TGFB3: variants seen among roughly 807,000 people sequenced by gnomAD.
TGFB3 encodes the protein transforming growth factor beta 3.
TGFB3 carries 5 observed loss-of-function variants against 40.1 expected under a neutral mutation model. The ratio of observed to expected loss-of-function variants is 0.12; its 90% confidence interval spans 0.07 to 0.26. TGFB3 has a LOEUF of 0.26. Ranked by LOEUF, TGFB3 falls within the 10% of genes least tolerant of loss-of-function variation. The pLI is 1.00. For synonymous variants in TGFB3, 184 were observed against 205.6 expected, an observed-to-expected ratio of 0.89 and a Z score of 0.90; for missense variants, 373 against 530.1, an observed-to-expected ratio of 0.70 and a Z score of 2.91.
intron 6 of TGFB3, chr14:75,960,497 TAGCATTTCAA>T (rs1241519487): frequency 1.5e-5 from 3 of 201,520 alleles, no homozygotes; most frequent in Non-Finnish European, 3.1e-5. Flanking sequence ...TTTCTGTTCC[TAGCATTTCAA>T]ATTAGCTTCT....
Position 75,971,502 on chromosome 14 carries a change from C to T in TGFB3, c.516+53G>A. On this transcript the variant is annotated intron_variant, in intron 2 of 6. Coordinates refer to ENST00000238682, the MANE Select transcript of TGFB3 (RefSeq NM_003239.5). The surrounding 1 kb of genome is among the most constrained non-coding windows in gnomAD (Gnocchi z 4.5). ...TGCACCCAGTGGTGCCCTGATATGG[C>T]AAAGGAACCAGCTTTCCCGTCGGTG... 1.2e-6 allele frequency: 2 copies of T among 1,609,592 alleles called. No individual in the cohort carries two copies. The highest frequency in any genetic ancestry group is 1.7e-6 in the Non-Finnish European group (2 of 1,178,202).
At position 75,963,474 on chromosome 14, in the gene TGFB3, C is replaced by A; in HGVS notation, c.768G>T (p.Glu256Asp). 6.2e-7 allele frequency: 1 copy of A among 1,614,192 alleles called. No individual in the cohort carries two copies. The highest frequency in any genetic ancestry group is 8.5e-7 in the Non-Finnish European group (1 of 1,180,028). ...MEIKFKGVDN[E>D]DDHGRGDLGR... ...CCAGATCTCCACGGCCATGGTCATCCTCATTGTCCACGCCTGAAGAAGGGA... is the reference window on the plus strand; with the variant it reads ...CCAGATCTCCACGGCCATGGTCATCATCATTGTCCACGCCTGAAGAAGGGA... Residue 256 changes from glutamate (E) to aspartate (D), a missense_variant, in exon 5 of 7, where the codon GAG (glutamate) becomes GAT (aspartate). Physicochemically the swap from Glu to Asp is conservative, Grantham distance 45. Coordinates refer to ENST00000238682, the MANE Select transcript of TGFB3 (RefSeq NM_003239.5).
rs2035184142 is a variant in TGFB3 at position 75,963,474 on chromosome 14, C to T, written c.768G>A (p.Glu256=). 6.2e-7 allele frequency: 1 copy of T among 1,614,192 alleles called. No individual in the cohort carries two copies. The highest frequency in any genetic ancestry group is 8.5e-7 in the Non-Finnish European group (1 of 1,180,028). Residue 256 remains glutamate (E), a synonymous_variant, in exon 5 of 7, where the codon GAG becomes GAA. Coordinates refer to ENST00000238682, the MANE Select transcript of TGFB3 (RefSeq NM_003239.5). ...CCAGATCTCCACGGCCATGGTCATC[C>T]TCATTGTCCACGCCTGAAGAAGGGA... ...MEIKFKGVDN[E]DDHGRGDLGR...
At chr14:75,977,444 C>T (rs1488406904) in intron 1 of TGFB3, among the ~76,000 whole-genome samples, 4 of 152,134 alleles carry the variant, frequency 2.6e-5, no homozygotes, top group African/African-American at 9.7e-5. Flanking sequence ...AATAGAGGCT[C>T]TGCTGATTCA....
At position 75,959,006 on chromosome 14, in the gene TGFB3, T is replaced by TGG; in HGVS notation, c.*180_*181insCC. 1 of 744,322 alleles carries TGG rather than the reference T, an allele frequency of 1.3e-6. No individual in the cohort carries two copies. The highest frequency in any genetic ancestry group is 2.3e-6 in the Non-Finnish European group (1 of 434,150). 46.1% of individuals were successfully genotyped at this position (744,322 alleles called of 1,614,324 possible). On this transcript the variant is annotated 3_prime_UTR_variant, in exon 7 of 7. Transcript: ENST00000238682. ...ACCCACACTTTCTTTACCACCGTGA[T>TGG]TCTCAGAGCCAGCAAGAAAGAAATG...
chr14:75,958,911 AT>A lies in TGFB3; in HGVS notation c.*275del. On this transcript the variant is annotated 3_prime_UTR_variant, in exon 7 of 7. Transcript: ENST00000238682. ...TCTCAACTTACCATCCCTTTCCTCT[AT>A]CCCCATCCCCTCTGTCTGCGTCACA... The A allele has an allele frequency of 4.5e-6, 2 of 444,880 alleles. No individual in the cohort carries two copies. Among genetic ancestry groups the A allele is most frequent in the Admixed American group, 6.4e-5 (2 of 31,008 alleles). 27.6% of individuals were successfully genotyped at this position (444,880 alleles called of 1,614,324 possible).
chr14:75,971,287 G>A lies in TGFB3; in HGVS notation c.517-32C>T, dbSNP rs975623252. On this transcript the variant is annotated intron_variant, in intron 2 of 6. Transcript: ENST00000238682. The surrounding 1 kb of genome is among the most constrained non-coding windows in gnomAD (Gnocchi z 4.5). ...GGCAGAGAAAGGAGTGAGTACCCGA[G>A]ACCAGGACAGAGTGCCCCAGAAGAT... 25 of 1,613,634 alleles carry A rather than the reference G, an allele frequency of 1.5e-5. No homozygotes were observed. Among genetic ancestry groups the A allele is most frequent in the Non-Finnish European group, 1.7e-5 (20 of 1,179,932 alleles).
In TGFB3 at chr14:75,971,330, A is replaced by G. The variant is rs1262558500; in HGVS notation, c.517-75T>C. On this transcript the variant is annotated intron_variant, in intron 2 of 6. Coordinates refer to ENST00000238682, the MANE Select transcript of TGFB3 (RefSeq NM_003239.5). The surrounding 1 kb of genome is among the most constrained non-coding windows in gnomAD (Gnocchi z 4.5). Reference sequence around the variant, plus strand: ...CAGAAGATGTCACAATGCAGAGCACAGGTGAGGGAGCGATAGGAAACCAGT... The same window carrying G: ...CAGAAGATGTCACAATGCAGAGCACGGGTGAGGGAGCGATAGGAAACCAGT... 4 of 1,608,476 alleles carry G rather than the reference A, an allele frequency of 2.5e-6. No homozygotes were observed. The highest frequency in any genetic ancestry group is 2.2e-5 in the South Asian group (2 of 90,220).
rs986180095 is a variant in TGFB3, at chr14:75,980,569, C to T, written c.325G>A (p.Asp109Asn). ...TGCTCCGCCAGCCCCTGGATCATGT[C>T]GAATTTATGGATTTCTTTGGCATAG... Reference protein sequence around the residue: ...EYYAKEIHKFDMIQGLAEHNE... With the variant: ...EYYAKEIHKFNMIQGLAEHNE... Residue 109 changes from aspartate to asparagine, a missense_variant, in exon 1 of 7, where the codon GAC (aspartate) becomes AAC (asparagine). By Grantham distance (23) the Asp-to-Asn change is conservative. Transcript: ENST00000238682. This position sits in a 1 kb window ranked among gnomAD's most constrained non-coding sequence, Gnocchi z 4.3. 2 of 1,614,224 alleles carry T rather than the reference C, an allele frequency of 1.2e-6. No homozygotes were observed. The highest frequency in any genetic ancestry group is 1.7e-5 in the Admixed American group (1 of 60,032).
rs2035384154 is a variant in TGFB3, at chr14:75,978,699, C to T, written c.352+1843G>A. ...CAGCATCTATGGGGCCCTGCCCGGG[C>T]TTTTCCCAAGGACATCTGCTATTTG... is the stretch of plus-strand genomic sequence containing the variant. On this transcript the variant is annotated intron_variant, in intron 1 of 6. Coordinates refer to ENST00000238682, the MANE Select transcript of TGFB3 (RefSeq NM_003239.5). The surrounding 1 kb of genome is among the most constrained non-coding windows in gnomAD (Gnocchi z 5.0). 6.6e-6 allele frequency among the ~76,000 whole-genome samples: 1 copy of T among 152,242 alleles called. No homozygotes were observed. Among genetic ancestry groups the T allele is most frequent in the Non-Finnish European group, 1.5e-5 (1 of 68,038 alleles).
At position 75,981,142 on chromosome 14, in the gene TGFB3, A is replaced by C. The variant is rs1391529008; in HGVS notation, c.-249T>G. On this transcript the variant is annotated 5_prime_UTR_variant, in exon 1 of 7. Transcript: ENST00000238682. The surrounding 1 kb of genome is among the most constrained non-coding windows in gnomAD (Gnocchi z 4.7). ...CTGGGATTCTTGTCCATGTGTCTAA[A>C]CAGGTTTTGCTGGGCTCTGACTCCC... 1 of 531,548 alleles carries C rather than the reference A, an allele frequency of 1.9e-6. No homozygotes were observed. The highest frequency in any genetic ancestry group is 1.9e-5 in the African/African-American group (1 of 52,506). The allele number at this position is 531,548 out of a possible 1,614,324, so 32.9% of individuals were successfully genotyped here.
In TGFB3 at chr14:75,971,847, C is replaced by T. The variant is rs534146542; in HGVS notation, c.353-129G>A. 49 of 963,096 alleles carry T rather than the reference C, an allele frequency of 5.1e-5. 1 individual carries two copies. Among genetic ancestry groups the T allele is most frequent in the South Asian group, 4.5e-4 (31 of 69,266 alleles). 59.7% of individuals were successfully genotyped at this position (963,096 alleles called of 1,614,324 possible). A position where few individuals can be genotyped will look rare whatever the true frequency, so the allele number is the denominator to read the frequency against. On this transcript the variant is annotated intron_variant, in intron 1 of 6. Coordinates refer to ENST00000238682, the MANE Select transcript of TGFB3 (RefSeq NM_003239.5). The surrounding 1 kb of genome is among the most constrained non-coding windows in gnomAD (Gnocchi z 4.5). The stretch of plus-strand genomic sequence containing the variant: ...TCCCTAGAGGCTTGAGGCCTCAGAC[C>T]GCAAGGTGGAGATACGAGGAAGATT...
Position 75,971,624 on chromosome 14 carries a change from T to C in TGFB3, c.447A>G (p.Ala149=). 1 of 1,614,252 alleles carries C rather than the reference T, an allele frequency of 6.2e-7. No individual in the cohort carries two copies. Among genetic ancestry groups the C allele is most frequent in the Non-Finnish European group, 8.5e-7 (1 of 1,180,050 alleles). The part of the protein sequence containing the change: ...VEKNRTNLFR[A]EFRVLRVPNP... ...TGGGCACCCGCAAGACCCGGAATTC[T>C]GCTCGGAATAGGTTGGTTCTATTTT... Residue 149 remains alanine, a synonymous_variant, in exon 2 of 7, where the codon GCA becomes GCG. Transcript: ENST00000238682. The surrounding 1 kb of genome is among the most constrained non-coding windows in gnomAD (Gnocchi z 4.5).
rs2035390497 is a variant in TGFB3 at position 75,979,127 on chromosome 14, C to T, written c.352+1415G>A. On this transcript the variant is annotated intron_variant, in intron 1 of 6. Transcript: ENST00000238682. The surrounding 1 kb of genome is among the most constrained non-coding windows in gnomAD (Gnocchi z 4.8). The stretch of plus-strand genomic sequence containing the variant: ...GGCCTCCAGCCTCCGCCCCACATGG[C>T]AGCCACATCCTGAAGAAAGGCGCTC... Among the ~76,000 whole-genome samples the T allele has an allele frequency of 6.6e-6, 1 of 152,144 alleles. No individual in the cohort carries two copies. The highest frequency in any genetic ancestry group is 1.5e-5 in the Non-Finnish European group (1 of 67,998).
chr14:75,961,559 A>G (rs1407359122), intron 5 of TGFB3, among the ~76,000 whole-genome samples: 1 of 152,212 alleles, frequency 6.6e-6, no homozygotes, highest in Non-Finnish European at 1.5e-5. Context: ...ATATCCTTCT[A>G]TTAGAACCGT....
chr14:75,964,201 C>G (rs3917195), intron 4 of TGFB3, among the ~76,000 whole-genome samples: 12,691 of 152,116 alleles, frequency 0.083, 632 homozygotes, highest in African/African-American at 0.13. Flanking sequence ...AGATTCTAGA[C>G]TTAGAATCTT....
In TGFB3 at chr14:75,959,348, G is replaced by A. The variant is rs2035125380; in HGVS notation, c.1081-3C>T. 3.7e-6 allele frequency: 6 copies of A among 1,613,982 alleles called. No individual in the cohort carries two copies. In the East Asian group the frequency reaches 1.3e-4, roughly 36 times the overall value. ...AGAGTGTTGTACAGTCCCAGCACCTGGGAAGGGACATGTCAGTGAGAGGTT... is the reference window on the plus strand; with the variant it reads ...AGAGTGTTGTACAGTCCCAGCACCTAGGAAGGGACATGTCAGTGAGAGGTT... On this transcript the variant is annotated splice_polypyrimidine_tract_variant and splice_region_variant and intron_variant, in intron 6 of 6. Transcript: ENST00000238682.
chr14:75,960,587 G>A (rs1440272559), intron 6 of TGFB3, among the ~76,000 whole-genome samples: 1 of 152,190 alleles, frequency 6.6e-6, no homozygotes, highest in Non-Finnish European at 1.5e-5. Context: ...TCAGAGTTCT[G>A]ATAGAAGCCT....
At chr14:75,963,161 A>C (rs2035177964) in intron 5 of TGFB3, 155 bp downstream of exon 5, 1 of 873,370 alleles carries the variant, frequency 1.1e-6, no homozygotes. Flanking sequence ...TTCACAGAGA[A>C]AATCTCTGTG....
Sources: gnomAD v4.1 joint callset for allele counts (sites outside exome capture counted in the v4.1 genomes callset) on GRCh38, gnomAD v4.1.1 for gene constraint, Gnocchi (gnomAD v3.1) non-coding constraint, MANE v1.5 for transcripts, NCBI Gene and HGNC (gene_info 2026-07-23, HGNC 2026-07-21) for gene names.